Variants in DNAH1 observed in about 807,000 individuals in gnomAD.
DNAH1 encodes the protein dynein axonemal heavy chain 1.
In DNAH1, 327 loss-of-function variants were observed where a neutral mutation model predicts 484.3. The observed-to-expected ratio is 0.68, with a 90% confidence interval of 0.62 to 0.74. The LOEUF is 0.74. Among genes scored for constraint, DNAH1 ranks in the 30% least tolerant of loss-of-function variants. The pLI is 0.00. For synonymous variants in DNAH1, 2,192 were observed against 2,191.9 expected (o/e 1.00, Z 0.00); for missense variants, 5,052 against 5,546.8 (o/e 0.91, Z 2.83).
At chr3:52,325,812 C>G (rs964987694) in intron 3 of DNAH1, among the ~76,000 whole-genome samples, 12 of 152,188 alleles carry the variant, frequency 7.9e-5, no homozygotes, top group African/African-American at 2.9e-4. Context: ...AGTGGTAACA[C>G]TCTCCCTTGT....
chr3:52,372,573 A>G (rs544391522), intron 43 of DNAH1, among the ~76,000 whole-genome samples, 186 bp downstream of exon 43: 1 of 152,222 alleles, frequency 6.6e-6, no homozygotes, highest in Non-Finnish European at 1.5e-5. Flanking sequence ...TGTATCAAAA[A>G]TTCCTACAAA....
intron 44 of DNAH1, chr3:52,374,341 G>A: frequency 6.6e-7 from 1 of 1,508,504 alleles, no homozygotes; most frequent in South Asian, 1.1e-5. Context: ...AATCTCTTGA[G>A]TGTCTACCAC....
rs748137758 is a variant in DNAH1, at chr3:52,364,811, G to A, written c.5332-22G>A. The A allele has an allele frequency of 6.2e-7, 1 of 1,610,254 alleles. No individual in the cohort carries two copies. The highest frequency in any genetic ancestry group is 2.2e-5 in the East Asian group (1 of 44,816). ...GGGCAGCTGGCCCACTGCCCTGAAG[G>A]CTCAGCCGGCACCTGCTGCAGGAGC... On this transcript the variant is annotated intron_variant, in intron 33 of 77. Transcript: ENST00000420323. This position sits in a 1 kb window ranked among gnomAD's most constrained non-coding sequence, Gnocchi z 4.2.
chr3:52,342,722 CAG>C (rs2153223618), intron 8 of DNAH1, among the ~76,000 whole-genome samples: 1 of 152,240 alleles, frequency 6.6e-6, no homozygotes, highest in African/African-American at 2.4e-5. Flanking sequence ...CAATGCTGTT[CAG>C]AGACAAGGAG....
intron 46 of DNAH1, 141 bp downstream of exon 46, chr3:52,376,134 A>G (rs1013612543): frequency 9.5e-7 from 1 of 1,048,492 alleles, no homozygotes. Flanking sequence ...CTAGGGTGCC[A>G]GAGCGAAGGT....
Position 52,368,790 on chromosome 3 carries a change from G to A in DNAH1, c.5815G>A (p.Asp1939Asn), listed in dbSNP as rs373951488. Residue 1939 changes from aspartate to asparagine, a missense_variant, in exon 37 of 78, where the codon GAC becomes AAC. Around this residue, in one of 4 missense-constraint regions of DNAH1, gnomAD observed 2,929 missense variants for 3,409.4 expected, o/e 0.86. Coordinates refer to ENST00000420323, the MANE Select transcript of DNAH1 (RefSeq NM_015512.5). The surrounding 1 kb of genome is among the most constrained non-coding windows in gnomAD (Gnocchi z 4.4). ...CATCCGGGCGGGGGCCATCACCTCC[G>A]ACACCAACAAGAAGTGGTACATGTT... ...SFIRAGAITS[D>N]TNKKWYMFDG... 19 of 1,613,854 alleles carry A rather than the reference G, an allele frequency of 1.2e-5. No homozygotes were observed. Among genetic ancestry groups the A allele is most frequent in the African/African-American group, 2.7e-5 (2 of 74,916 alleles).
rs1578136783 is a variant in DNAH1 at position 52,358,529 on chromosome 3, C to A, written c.4087-29C>A. 1 of 1,577,224 alleles carries A rather than the reference C, an allele frequency of 6.3e-7. No individual in the cohort carries two copies. Among genetic ancestry groups the A allele is most frequent in the Middle Eastern group, 1.9e-4 (1 of 5,246 alleles). On this transcript the variant is annotated intron_variant, in intron 24 of 77. Coordinates refer to ENST00000420323, the MANE Select transcript of DNAH1 (RefSeq NM_015512.5). This position sits in a 1 kb window ranked among gnomAD's most constrained non-coding sequence, Gnocchi z 4.2. ...AGGGCATCTGGGCACACCAGGGTGA[C>A]CCCACTCCTGCTCCTCCACTGCTTG...
chr3:52,397,115 T>A, intron 73 of DNAH1, 71 bp downstream of exon 73: 3 of 1,382,434 alleles, frequency 2.2e-6, no homozygotes, highest in Non-Finnish European at 2.9e-6. Context: ...ATGAGCACCT[T>A]GGTGCTGGGT....
At position 52,395,767 on chromosome 3, in the gene DNAH1, G is replaced by A; in HGVS notation, c.11259+89G>A. The A allele has an allele frequency of 1.3e-6, 2 of 1,522,908 alleles. No homozygotes were observed. The highest frequency in any genetic ancestry group is 1.4e-5 in the African/African-American group (1 of 72,736). The allele number at this position is 1,522,908 out of a possible 1,614,324, so 94.3% of individuals were successfully genotyped here. ...GGCAGAAATAAGAGAATCATGCCAAGCACTCTGCCCAGCCTCTAGCACGTG... is the reference window on the plus strand; with the variant it reads ...GGCAGAAATAAGAGAATCATGCCAAACACTCTGCCCAGCCTCTAGCACGTG... On this transcript the variant is annotated intron_variant, in intron 70 of 77. Coordinates refer to ENST00000420323, the MANE Select transcript of DNAH1 (RefSeq NM_015512.5). This position sits in a 1 kb window ranked among gnomAD's most constrained non-coding sequence, Gnocchi z 4.4.
intron 9 of DNAH1, 30 bp from the exon 10 acceptor site, chr3:52,345,465 G>T (rs1310449199): frequency 6.5e-7 from 1 of 1,547,902 alleles, no homozygotes; most frequent in South Asian, 1.2e-5. Flanking sequence ...GGCAGGGTCT[G>T]ATACTGGCCC....
chr3:52,360,223 C>T (rs764025425), intron 27 of DNAH1, 88 bp from the exon 28 acceptor site: 10 of 1,497,822 alleles, frequency 6.7e-6, no homozygotes, highest in Non-Finnish European at 9.2e-6. Flanking sequence ...TGCCCTCATT[C>T]CCAAAAAGAA....
rs1481808712 is a variant in DNAH1 at position 52,391,045 on chromosome 3, C to T, written c.9732C>T (p.Ile3244=). ...IDPQSQANKW[I]KNMEKDNGLD... is the part of the protein sequence containing the mutation. ...CTCAGAGCCAGGCCAACAAATGGAT[C>T]AAGAACATGGTGAGCCCACCCACCA... Residue 3244 remains isoleucine, a synonymous_variant, in exon 61 of 78, where the codon ATC becomes ATT. Transcript: ENST00000420323. The T allele has an allele frequency of 6.4e-7, 1 of 1,563,116 alleles. No homozygotes were observed.
intron 46 of DNAH1, 135 bp from the exon 47 acceptor site, chr3:52,378,467 T>G: frequency 3.2e-6 from 3 of 926,146 alleles, no homozygotes; most frequent in Non-Finnish European, 5.0e-6. Flanking sequence ...AAAGGGTACG[T>G]GGAATCCAAG....
intron 13 of DNAH1, 31 bp downstream of exon 13, chr3:52,349,112 G>A (rs773352471): frequency 7.4e-6 from 12 of 1,612,712 alleles, no homozygotes; most frequent in Non-Finnish European, 1.0e-5. Context: ...ACGTCGGAGG[G>A]TGTCTGTGTG....
At chr3:52,375,020 TA>T in intron 44 of DNAH1, 1 of 611,282 alleles carries the variant, frequency 1.6e-6, no homozygotes. Flanking sequence ...ATGTCTGCAA[TA>T]AAAAGTACTT....
chr3:52,392,995 C>T lies in DNAH1; in HGVS notation c.10444C>T (p.Leu3482Phe), dbSNP rs1223315752. The change falls in exon 65 of 78, where the codon CTC (leucine) becomes TTC (phenylalanine). Residue 3482 changes from leucine (L) to phenylalanine (F), a missense_variant. Coordinates refer to ENST00000420323, the MANE Select transcript of DNAH1 (RefSeq NM_015512.5). The part of the protein sequence containing the change: ...YSLEWFLNIF[L>F]SGIANSERAD... The stretch of plus-strand genomic sequence containing the variant: ...CCTTGAGTGGTTTCTCAACATCTTC[C>T]TCTCGGGCATCGCCAACTCAGAGAG... The T allele has an allele frequency of 6.2e-7, 1 of 1,613,608 alleles. No homozygotes were observed. Among genetic ancestry groups the T allele is most frequent in the African/African-American group, 1.3e-5 (1 of 74,828 alleles).
chr3:52,341,423 G>A (rs1314766495), intron 8 of DNAH1, among the ~76,000 whole-genome samples: 1 of 151,878 alleles, frequency 6.6e-6, no homozygotes, highest in Non-Finnish European at 1.5e-5. Context: ...GGTAAAATAT[G>A]GTTTTAGAAG....
chr3:52,390,848 G>A (rs965188452), intron 60 of DNAH1, 87 bp from the exon 61 acceptor site: 75 of 1,533,704 alleles, frequency 4.9e-5, no homozygotes, highest in African/African-American at 3.6e-4. Context: ...GTCCATAGCC[G>A]AAACACGAGG....
At chr3:52,341,446 C>G (rs1411518410) in intron 8 of DNAH1, among the ~76,000 whole-genome samples, 1 of 151,624 alleles carries the variant, frequency 6.6e-6, no homozygotes, top group Non-Finnish European at 1.5e-5. Flanking sequence ...TAGTCTCAGC[C>G]TGATCCTGTG....
Sources: allele counts gnomAD v4.1 joint callset (sites outside exome capture counted in the v4.1 genomes callset), GRCh38; gene constraint gnomAD v4.1.1; regional missense constraint gnomAD v4.1.1; non-coding constraint Gnocchi (gnomAD v3.1); transcripts MANE v1.5; gene names NCBI Gene and HGNC (gene_info 2026-07-23, HGNC 2026-07-21).